The following SCNN1B variants were observed in gnomAD, a reference collection of about 807,000 sequenced individuals.
SCNN1B encodes epithelial sodium channel subunit beta.
Under a neutral mutation model 65.3 loss-of-function variants are expected in SCNN1B, and 46 were observed. The ratio of observed to expected loss-of-function variants is 0.70; its 90% CI spans 0.56 to 0.90. The LOEUF (loss-of-function observed/expected upper bound fraction) is 0.90, where lower values mean the gene tolerates loss of function less well. SCNN1B is among the 40% of genes least tolerant of loss of function. SCNN1B has a pLI of 0.00. For synonymous variants in SCNN1B, 349 were observed against 330.6 expected (o/e 1.06, Z -0.60); for missense variants, 751 against 830.5 (o/e 0.90, Z 1.18).
At chr16:23,284,706 A>C (rs1393942858) in intron 2 of SCNN1B, among the ~76,000 whole-genome samples, 1 of 152,192 alleles carries the variant, frequency 6.6e-6, no homozygotes, top group Non-Finnish European at 1.5e-5. Context: ...AGAGGTGAGG[A>C]CCATGTCAAA....
intron 1 of SCNN1B, among the ~76,000 whole-genome samples, chr16:23,326,442 C>T (rs1961698547): frequency 6.6e-6 from 1 of 151,966 alleles, no homozygotes; most frequent in Non-Finnish European, 1.5e-5. Flanking sequence ...TATAAACCCA[C>T]ATGGTTTTTT....
intron 6 of SCNN1B, 69 bp from the exon 7 acceptor site, chr16:23,371,707 A>C: frequency 7.7e-7 from 1 of 1,297,852 alleles, no homozygotes; most frequent in Non-Finnish European, 1.1e-6. Context: ...AATGCTTGAT[A>C]GAAGGGAGGT....
intron 2 of SCNN1B, among the ~76,000 whole-genome samples, chr16:23,293,221 T>C (rs1264954021): frequency 1.4e-5 from 2 of 144,340 alleles, no homozygotes; most frequent in African/African-American, 5.1e-5. Flanking sequence ...CCCATACTCA[T>C]AGGAGCATTA....
chr16:23,365,552 GGAAAGA>G (rs1300326277), intron 4 of SCNN1B, among the ~76,000 whole-genome samples: 1 of 111,814 alleles, frequency 8.9e-6, no homozygotes, highest in Non-Finnish European at 1.8e-5. Flanking sequence ...AGAGAAAGAA[GGAAAGA>G]GAAAGAAAGA....
intron 10 of SCNN1B, among the ~76,000 whole-genome samples, chr16:23,378,462 G>A (rs1962959363): frequency 1.3e-5 from 2 of 152,198 alleles, no homozygotes. Flanking sequence ...ACCAGAGGTG[G>A]GAGAGAGCCG....
chr16:23,362,936 T>A (rs1487754242), intron 4 of SCNN1B, among the ~76,000 whole-genome samples: 1 of 152,168 alleles, frequency 6.6e-6, no homozygotes, highest in Admixed American at 6.5e-5. Flanking sequence ...AGCTATTTCT[T>A]CCCTCTGGGG....
intron 1 of SCNN1B, among the ~76,000 whole-genome samples, chr16:23,305,424 G>A (rs1440984823): frequency 6.7e-6 from 1 of 149,506 alleles, no homozygotes; most frequent in Non-Finnish European, 1.5e-5. Flanking sequence ...AGACCAAGGA[G>A]GGTGGGTTGT....
Position 23,367,899 on chromosome 16 carries a change from A to G in SCNN1B, c.820A>G (p.Ile274Val), listed in dbSNP as rs751937538. ...CTACCCTCACTATGGCAACTGTTAC[A>G]TCTTCAACTGGGGCATGACAGAGAA... is the stretch of plus-strand genomic sequence containing the variant. ...IFYPHYGNCY[I>V]FNWGMTEKAL... Residue 274 changes from isoleucine (I) to valine (V), a missense_variant, in exon 5 of 13, where the codon ATC (isoleucine) becomes GTC (valine). Transcript: ENST00000343070. 26 of 1,614,108 alleles carry G rather than the reference A, an allele frequency of 1.6e-5. No homozygotes were observed. Among genetic ancestry groups the G allele is most frequent in the Non-Finnish European group, 2.2e-5 (26 of 1,180,036 alleles).
At chr16:23,314,580 C>T (rs1961411279) in intron 1 of SCNN1B, among the ~76,000 whole-genome samples, 1 of 152,170 alleles carries the variant, frequency 6.6e-6, no homozygotes, top group African/African-American at 2.4e-5. Flanking sequence ...TGCCTCTCCT[C>T]AGCTTCTTGG....
At chr16:23,319,546 A>C (rs1224699422) in intron 1 of SCNN1B, among the ~76,000 whole-genome samples, 1 of 152,174 alleles carries the variant, frequency 6.6e-6, no homozygotes, top group Non-Finnish European at 1.5e-5. Context: ...TCATAAGTGA[A>C]GTGTGGTTGA....
chr16:23,336,459 C>T lies in SCNN1B; in HGVS notation c.-8-12133C>T, dbSNP rs558277605. 5.3e-5 allele frequency among the ~76,000 whole-genome samples: 8 copies of T among 151,698 alleles called. No homozygotes were observed. The South Asian group carries it at 1.7e-3, about 32-fold the overall frequency. ...CGATCTCGGCTCACTGCAGCCTTCC[C>T]CTCCCGGGTTCAAGCAATTCTCCTG... On this transcript the variant is annotated intron_variant, in intron 1 of 12. Coordinates refer to ENST00000343070, the MANE Select transcript of SCNN1B (RefSeq NM_000336.3).
intron 2 of SCNN1B, among the ~76,000 whole-genome samples, chr16:23,350,351 G>A (rs531610937): frequency 6.6e-5 from 10 of 152,178 alleles, no homozygotes; most frequent in East Asian, 3.9e-4. Context: ...CCATTCTTCC[G>A]GATTGCCCGT....
At chr16:23,304,239 A>C (rs977531763) in intron 1 of SCNN1B, 10 of 658,296 alleles carry the variant, frequency 1.5e-5, no homozygotes, top group Non-Finnish European at 2.7e-5. Flanking sequence ...TCACATACGG[A>C]CCCATGAATG....
rs532212837 is a variant in SCNN1B at position 23,352,939 on chromosome 16, G to A, written c.450G>A (p.Leu150=). 6.2e-7 allele frequency: 1 copy of A among 1,614,100 alleles called. No individual in the cohort carries two copies. Among genetic ancestry groups the A allele is most frequent in the Non-Finnish European group, 8.5e-7 (1 of 1,180,034 alleles). Residue 150 remains leucine (L), a synonymous_variant, in exon 3 of 13, where the codon CTG becomes CTA. Transcript: ENST00000343070. ...TCTCCATCTGGAACCACACACCCCT[G>A]GTCCTTATTGATGAACGGAACCCCC... ...LNFSIWNHTP[L]VLIDERNPHH...
upstream of SCNN1B, among the ~76,000 whole-genome samples, chr16:23,299,208 C>T (rs973289634): frequency 6.6e-6 from 1 of 151,894 alleles, no homozygotes; most frequent in African/African-American, 2.4e-5. Flanking sequence ...TACAGGTGCG[C>T]ACCACCATGC....
chr16:23,336,338 C>T (rs1961938624), intron 1 of SCNN1B, among the ~76,000 whole-genome samples: 2 of 151,670 alleles, frequency 1.3e-5, no homozygotes, highest in Admixed American at 1.3e-4. Context: ...AGACAATTAA[C>T]AGGGCATTTC....
chr16:23,360,131 G>C (rs1962509746), intron 4 of SCNN1B, among the ~76,000 whole-genome samples: 1 of 152,106 alleles, frequency 6.6e-6, no homozygotes, highest in Non-Finnish European at 1.5e-5. Flanking sequence ...CCAGGAGGCA[G>C]AGGTTGCAGT....
chr16:23,299,435 A>C (rs148683140), upstream of SCNN1B, among the ~76,000 whole-genome samples: 75 of 152,318 alleles, frequency 4.9e-4, no homozygotes, highest in Non-Finnish European at 9.4e-4. Flanking sequence ...TACACCTGGG[A>C]AGCATTGATT....
In SCNN1B at chr16:23,380,851, CTG is replaced by C; in HGVS notation, c.*52_*53del. On this transcript the variant is annotated 3_prime_UTR_variant, in exon 13 of 13. Transcript: ENST00000343070. The surrounding 1 kb of genome is among the most constrained non-coding windows in gnomAD (Gnocchi z 5.4). ...GCTGAAACTCACTGAGCAGCCAAGA[CTG>C]TTGCCCGAGGCCTCACTGTATGGTG... 6.2e-7 allele frequency: 1 copy of C among 1,604,800 alleles called. No homozygotes were observed. Among genetic ancestry groups the C allele is most frequent in the East Asian group, 2.2e-5 (1 of 44,854 alleles).
Sources: gnomAD v4.1 joint callset for allele counts (sites outside exome capture counted in the v4.1 genomes callset) on GRCh38, gnomAD v4.1.1 for gene constraint, Gnocchi (gnomAD v3.1) non-coding constraint, MANE v1.5 for transcripts, NCBI Gene and HGNC (gene_info 2026-07-23, HGNC 2026-07-21) for gene names.